The following DLGAP2 variants were observed in gnomAD, a reference collection of about 807,000 sequenced individuals.
DLGAP2 encodes disks large-associated protein 2.
DLGAP2 carries 26 observed loss-of-function variants against 100.3 expected under a neutral mutation model. The ratio of observed to expected loss-of-function variants is 0.26; its 90% CI spans 0.19 to 0.36. DLGAP2 has a LOEUF of 0.36. DLGAP2 is among the 10% of genes least tolerant of loss of function. The pLI, the probability that DLGAP2 is intolerant of heterozygous loss-of-function variation, is 1.00. For synonymous variants in DLGAP2, 886 were observed against 630.1 expected, an observed-to-expected ratio of 1.41 and a Z score of -6.08; for missense variants, 1,858 against 1,453.2, an observed-to-expected ratio of 1.28 and a Z score of -4.53.
chr8:1,609,162 G>C (rs1410549510), intron 6 of DLGAP2, among the ~76,000 whole-genome samples: 1 of 135,942 alleles, frequency 7.4e-6, no homozygotes, highest in Non-Finnish European at 1.6e-5. Flanking sequence ...TACCCTCAAA[G>C]GGAAGCCCAT....
At chr8:938,260 C>A (rs1046308186) in intron 2 of DLGAP2, among the ~76,000 whole-genome samples, 1 of 152,130 alleles carries the variant, frequency 6.6e-6, no homozygotes, top group Non-Finnish European at 1.5e-5. Flanking sequence ...GAGAGAGACC[C>A]TTTGAAGGCT....
intron 4 of DLGAP2, among the ~76,000 whole-genome samples, chr8:1,509,037 A>G (rs543330728): frequency 5.9e-5 from 9 of 152,184 alleles, no homozygotes; most frequent in Non-Finnish European, 8.8e-5. Flanking sequence ...AATACAACAG[A>G]GAAGTATAGA....
chr8:906,219 G>A (rs570626711), intron 1 of DLGAP2, among the ~76,000 whole-genome samples: 6 of 152,344 alleles, frequency 3.9e-5, no homozygotes, highest in East Asian at 1.9e-4. Flanking sequence ...CTAGGTCAGC[G>A]TTTCCACTCT....
intron 2 of DLGAP2, among the ~76,000 whole-genome samples, chr8:990,228 T>G (rs780912929): frequency 5.3e-5 from 8 of 152,140 alleles, no homozygotes; most frequent in Non-Finnish European, 1.2e-4. Flanking sequence ...GTTATATTTG[T>G]GTCGTGATGT....
intron 3 of DLGAP2, among the ~76,000 whole-genome samples, chr8:1,433,314 C>G (rs1563144623): frequency 6.6e-6 from 1 of 152,256 alleles, no homozygotes; most frequent in Non-Finnish European, 1.5e-5. Flanking sequence ...ACTGGTCCAG[C>G]TGTGGCCGTC....
chr8:1,295,539 G>A (rs377260674), intron 3 of DLGAP2, among the ~76,000 whole-genome samples: 8 of 152,202 alleles, frequency 5.3e-5, no homozygotes, highest in African/African-American at 1.7e-4. Context: ...CTGCCCCACC[G>A]AAGTGGAAGG....
rs1799284662 is a variant in DLGAP2 at position 1,258,900 on chromosome 8, C to T, written c.106+17C>T. On this transcript the variant is annotated intron_variant, in intron 3 of 14. Coordinates refer to ENST00000637795, the MANE Select transcript of DLGAP2 (RefSeq NM_001346810.2). ...AGCCGGAAGGTGAGTACCTGACATG[C>T]TGCCTGGGGTGGGCGGGGGCCGCGC... 3 of 1,231,654 alleles carry T rather than the reference C, an allele frequency of 2.4e-6. No homozygotes were observed. Among genetic ancestry groups the T allele is most frequent in the Admixed American group, 4.2e-5 (1 of 23,702 alleles). The allele number at this position is 1,231,654 out of a possible 1,614,324, so 76.3% of individuals were successfully genotyped here. A position where few individuals can be genotyped will look rare whatever the true frequency, so the allele number is the denominator to read the frequency against.
chr8:1,104,289 C>T (rs1804682384), intron 2 of DLGAP2, among the ~76,000 whole-genome samples: 1 of 152,028 alleles, frequency 6.6e-6, no homozygotes, highest in Non-Finnish European at 1.5e-5. Context: ...AAAAAGAGCT[C>T]AGGAGTGGGT....
intron 2 of DLGAP2, among the ~76,000 whole-genome samples, chr8:1,030,828 C>G (rs571045515): frequency 6.6e-5 from 10 of 152,256 alleles, no homozygotes; most frequent in Middle Eastern, 3.4e-3. Context: ...CCAGCGGGGC[C>G]GCGGGCGGGA....
chr8:1,491,354 C>T (rs561630475), intron 3 of DLGAP2, among the ~76,000 whole-genome samples: 2 of 152,094 alleles, frequency 1.3e-5, no homozygotes, highest in Non-Finnish European at 2.9e-5. Context: ...GGCTTCGGGC[C>T]GCTCCCCCTG....
At chr8:1,484,937 G>A (rs1284617596) in intron 3 of DLGAP2, among the ~76,000 whole-genome samples, 1 of 152,134 alleles carries the variant, frequency 6.6e-6, no homozygotes, top group Non-Finnish European at 1.5e-5. Context: ...CTGCCCCCTA[G>A]GACCTTCATT....
At chr8:934,503 C>T (rs1799024284) in intron 2 of DLGAP2, among the ~76,000 whole-genome samples, 1 of 152,180 alleles carries the variant, frequency 6.6e-6, no homozygotes, top group South Asian at 2.1e-4. Flanking sequence ...TCGATTCTTG[C>T]CTTGGTTTCT....
intron 2 of DLGAP2, among the ~76,000 whole-genome samples, chr8:1,145,769 C>G (rs948190964): frequency 2.3e-5 from 3 of 132,796 alleles, no homozygotes; most frequent in African/African-American, 8.9e-5. Flanking sequence ...CCCCCTCCCC[C>G]CACCCCACAA....
chr8:1,029,668 A>T (rs1801920138), intron 2 of DLGAP2, among the ~76,000 whole-genome samples: 1 of 152,092 alleles, frequency 6.6e-6, no homozygotes, highest in Non-Finnish European at 1.5e-5. Context: ...TTTAATACTG[A>T]GAAGAGTAAC....
At chr8:1,690,703 C>CAAAAAA (rs71190752) in intron 12 of DLGAP2, among the ~76,000 whole-genome samples, 4,427 of 61,934 alleles carry the variant, frequency 0.071, 358 homozygotes, top group Non-Finnish European at 0.1. Flanking sequence ...GACCCTATCT[C>CAAAAAA]AAAAAAAAAA....
intron 3 of DLGAP2, among the ~76,000 whole-genome samples, chr8:1,264,815 C>G (rs899439753): frequency 2.6e-5 from 4 of 152,170 alleles, no homozygotes. Context: ...ATAATCACCA[C>G]GTGCCATGGG....
intron 2 of DLGAP2, among the ~76,000 whole-genome samples, chr8:967,765 GTATATATATA>G (rs1262660337): frequency 1.9e-5 from 1 of 52,638 alleles, no homozygotes; most frequent in Admixed American, 2.9e-4. Context: ...ACAAAGAGGT[GTATATATATA>G]TATGTATATA....
chr8:1,356,481 T>C (rs1801853953), intron 3 of DLGAP2, among the ~76,000 whole-genome samples: 1 of 152,196 alleles, frequency 6.6e-6, no homozygotes, highest in Non-Finnish European at 1.5e-5. Flanking sequence ...GGCTGCGGAC[T>C]CTGGGTCCTG....
intron 2 of DLGAP2, among the ~76,000 whole-genome samples, chr8:1,005,284 G>C (rs1162053079): frequency 6.6e-6 from 1 of 152,102 alleles, no homozygotes; most frequent in African/African-American, 2.4e-5. Flanking sequence ...CAGCCTTCCT[G>C]TGACTTCTAC....
Sources: gnomAD v4.1 joint callset for allele counts (sites outside exome capture counted in the v4.1 genomes callset) on GRCh38, gnomAD v4.1.1 for gene constraint, MANE v1.5 for transcripts, NCBI Gene and HGNC (gene_info 2026-07-23, HGNC 2026-07-21) for gene names.